The following COL25A1 variants were observed in gnomAD, a reference collection of about 807,000 sequenced individuals.
COL25A1 encodes the protein collagen alpha-1(XXV) chain.
A neutral mutation model predicts 128.4 loss-of-function variants in COL25A1; 103 were observed. The ratio of observed to expected loss-of-function variants is 0.80; its 90% CI spans 0.68 to 0.94. COL25A1 has a LOEUF of 0.94. Among genes scored for constraint, COL25A1 ranks in the 40% least tolerant of loss-of-function variants. The pLI is 0.00. For synonymous variants in COL25A1, 279 were observed against 277.2 expected (o/e 1.01, Z -0.06); for missense variants, 745 against 840.0 (o/e 0.89, Z 1.40).
intron 11 of COL25A1, 70 bp from the exon 12 acceptor site, chr4:108,920,674 G>A: frequency 9.2e-7 from 1 of 1,089,554 alleles, no homozygotes; most frequent in East Asian, 2.5e-5. Flanking sequence ...AATTTAAACT[G>A]TCCTATTCTC....
At chr4:109,087,763 CT>C (rs1000401872) in intron 3 of COL25A1, among the ~76,000 whole-genome samples, 1 of 152,016 alleles carries the variant, frequency 6.6e-6, no homozygotes, top group African/African-American at 2.4e-5. Context: ...AAATTTATTG[CT>C]TTTTGCATAC....
At chr4:108,905,843 A>G (rs1264024683) in intron 13 of COL25A1, among the ~76,000 whole-genome samples, 3 of 130,420 alleles carry the variant, frequency 2.3e-5, no homozygotes, top group Middle Eastern at 4.2e-3. Context: ...AAGCTGGAGC[A>G]GTATGTCGGG....
intron 3 of COL25A1, among the ~76,000 whole-genome samples, chr4:109,101,088 T>G (rs1765848753): frequency 6.6e-6 from 1 of 152,180 alleles, no homozygotes; most frequent in Non-Finnish European, 1.5e-5. Context: ...ATAACAGGAA[T>G]AGGACACAAC....
chr4:108,905,849 TC>T (rs201812834), intron 13 of COL25A1, among the ~76,000 whole-genome samples: 13 of 97,586 alleles, frequency 1.3e-4, no homozygotes, highest in African/African-American at 6.0e-4. Flanking sequence ...GAGCAGTATG[TC>T]GGGGGGGGGT....
At chr4:108,829,118 T>A (rs1163653758) in intron 32 of COL25A1, among the ~76,000 whole-genome samples, 1 of 152,214 alleles carries the variant, frequency 6.6e-6, no homozygotes, top group Non-Finnish European at 1.5e-5. Context: ...ATTAAACATT[T>A]TTTTAAGAAG....
chr4:109,072,480 T>C (rs72883476), intron 3 of COL25A1, among the ~76,000 whole-genome samples: 17,594 of 152,190 alleles, frequency 0.12, 1,309 homozygotes, highest in African/African-American at 0.21. Context: ...TTATCATTGA[T>C]GTTTTCTTTC....
At chr4:109,030,805 T>G (rs1268118686) in intron 5 of COL25A1, among the ~76,000 whole-genome samples, 1 of 152,118 alleles carries the variant, frequency 6.6e-6, no homozygotes, top group African/African-American at 2.4e-5. Context: ...CAAGCTGGAG[T>G]GCAGTGGCAC....
chr4:108,928,923 C>T (rs1746405304), intron 11 of COL25A1, among the ~76,000 whole-genome samples: 1 of 152,064 alleles, frequency 6.6e-6, no homozygotes, highest in Non-Finnish European at 1.5e-5. Context: ...AATAGAACAC[C>T]CAAGACTGAA....
intron 3 of COL25A1, among the ~76,000 whole-genome samples, chr4:109,197,504 T>C (rs1251737592): frequency 7.8e-6 from 1 of 128,356 alleles, no homozygotes; most frequent in Non-Finnish European, 1.6e-5. Context: ...AAATATATAT[T>C]ATATAATATT....
At chr4:109,065,579 T>C (rs1049890731) in intron 3 of COL25A1, among the ~76,000 whole-genome samples, 6 of 147,930 alleles carry the variant, frequency 4.1e-5, no homozygotes, top group Non-Finnish European at 9.0e-5. Context: ...TGTGTGTGTG[T>C]GTGCAGGTGC....
chr4:109,129,184 C>T (rs889338523), intron 3 of COL25A1, among the ~76,000 whole-genome samples: 2 of 151,728 alleles, frequency 1.3e-5, no homozygotes, highest in Non-Finnish European at 2.9e-5. Context: ...GGCTGGAGTG[C>T]AATGGTGTGA....
At chr4:109,236,327 C>T (rs886122434) in intron 3 of COL25A1, among the ~76,000 whole-genome samples, 7 of 151,812 alleles carry the variant, frequency 4.6e-5, no homozygotes, top group Admixed American at 4.6e-4. Flanking sequence ...TATAAGAAAC[C>T]AAGATTTGTT....
In COL25A1 at chr4:109,114,816, T is replaced by C. The variant is rs892981433; in HGVS notation, c.368-64637A>G. On this transcript the variant is annotated intron_variant, in intron 3 of 37. Transcript: ENST00000399132. ...TGCCAAAATTACTGTTGCACTTAAA[T>C]TGTGGTAGTACTACATAATCAGGAC... Among the ~76,000 whole-genome samples the C allele has an allele frequency of 9.9e-5, 15 of 152,192 alleles. No homozygotes were observed. In the East Asian group the frequency reaches 2.7e-3, roughly 27 times the overall value.
intron 3 of COL25A1, among the ~76,000 whole-genome samples, chr4:109,172,175 C>T (rs570492018): frequency 3.3e-5 from 5 of 152,198 alleles, no homozygotes; most frequent in African/African-American, 1.2e-4. Flanking sequence ...CTCCTTCCAT[C>T]CACTGTTCAA....
intron 13 of COL25A1, among the ~76,000 whole-genome samples, chr4:108,917,748 AG>A (rs902708807): frequency 1.3e-5 from 2 of 152,230 alleles, no homozygotes; most frequent in Admixed American, 6.5e-5. Flanking sequence ...TTCTGGATTC[AG>A]AAAGTTTGAC....
chr4:108,950,651 C>G (rs1408970095), intron 8 of COL25A1, among the ~76,000 whole-genome samples: 1 of 152,214 alleles, frequency 6.6e-6, no homozygotes, highest in Non-Finnish European at 1.5e-5. Context: ...AGACTCTGTT[C>G]TTCAACTTGG....
chr4:109,019,357 C>G (rs1214665253), intron 5 of COL25A1, among the ~76,000 whole-genome samples: 25,974 of 66,526 alleles, frequency 0.39, 3,901 homozygotes, highest in East Asian at 0.62. Flanking sequence ...CATACACACA[C>G]ACACACACAC....
intron 3 of COL25A1, among the ~76,000 whole-genome samples, chr4:109,161,121 G>A (rs1772537523): frequency 6.6e-6 from 1 of 151,998 alleles, no homozygotes; most frequent in Admixed American, 6.6e-5. Context: ...TACACACATG[G>A]CCTCAACTAT....
At chr4:109,295,285 A>G (rs969174243) in intron 3 of COL25A1, among the ~76,000 whole-genome samples, 3 of 152,070 alleles carry the variant, frequency 2.0e-5, no homozygotes, top group Non-Finnish European at 4.4e-5. Flanking sequence ...GGGCATTTTT[A>G]CCAGCTGTCA....
Sources: allele counts gnomAD v4.1 joint callset (sites outside exome capture counted in the v4.1 genomes callset), GRCh38; gene constraint gnomAD v4.1.1; transcripts MANE v1.5; gene names NCBI Gene and HGNC (gene_info 2026-07-23, HGNC 2026-07-21).